LTBP2: variants seen among roughly 807,000 people sequenced by gnomAD.
LTBP2 encodes the protein latent transforming growth factor beta binding protein 2.
LTBP2 carries 103 observed loss-of-function variants against 210.6 expected under a neutral mutation model. That is an observed-to-expected ratio of 0.49 (90% CI 0.42 to 0.58). The LOEUF (loss-of-function observed/expected upper bound fraction) is 0.58, where lower values mean the gene tolerates loss of function less well. Among genes scored for constraint, LTBP2 ranks in the 20% least tolerant of loss-of-function variants. The probability of loss-of-function intolerance (pLI) is 0.00; values close to 1 mark genes in which losing one functional copy is unlikely to be tolerated. For synonymous variants in LTBP2, 1,007 were observed against 1,015.0 expected, an observed-to-expected ratio of 0.99 and a Z score of 0.15; for missense variants, 2,313 against 2,494.5, an observed-to-expected ratio of 0.93 and a Z score of 1.55.
intron 6 of LTBP2, 24 bp from the exon 7 acceptor site, chr14:74,551,374 A>C (rs1169484223): frequency 6.5e-7 from 1 of 1,533,288 alleles, no homozygotes. Context: ...CTAGAGTCAG[A>C]GCCAGGGAAG....
chr14:74,521,865 T>A, intron 17 of LTBP2, 46 bp downstream of exon 17: 1 of 1,612,170 alleles, frequency 6.2e-7, no homozygotes, highest in Non-Finnish European at 8.5e-7. Flanking sequence ...TTCCACCCCC[T>A]CAAGACTGTG....
intron 2 of LTBP2, among the ~76,000 whole-genome samples, chr14:74,588,341 C>A (rs1012953813): frequency 2.6e-5 from 4 of 152,142 alleles, no homozygotes; most frequent in Non-Finnish European, 5.9e-5. Flanking sequence ...CCTGCCTCAG[C>A]CTCCCGAGTA....
Position 74,522,740 on chromosome 14 carries a change from C to T in LTBP2, c.2659+50G>A, listed in dbSNP as rs371228828. 15 of 1,577,684 alleles carry T rather than the reference C, an allele frequency of 9.5e-6. No individual in the cohort carries two copies. The Admixed American group carries it at 1.4e-4, about 15-fold the overall frequency. On this transcript the variant is annotated intron_variant, in intron 16 of 35. Transcript: ENST00000261978. ...TCTCAACTCGGCCTCTTAGCCCCTG[C>T]TCCCATCTACCCCAGCCGCCAAGTA... is the stretch of plus-strand genomic sequence containing the variant.
chr14:74,555,516 G>C lies in LTBP2; in HGVS notation c.1008C>G (p.Pro336=), dbSNP rs899315981. Residue 336 remains proline (P), a synonymous_variant, in exon 4 of 36, where the codon CCC becomes CCG. Transcript: ENST00000261978. ...GGGTATCCTTACCCCAGGGGGATGA[G>C]GGGTGCTCCAGAGGTACCGCCTGTT... ...GTQQAVPLEH[P]SSPWGLNLTE... is the part of the protein sequence containing the mutation. 1.9e-6 allele frequency: 3 copies of C among 1,613,706 alleles called. No homozygotes were observed. Among genetic ancestry groups the C allele is most frequent in the South Asian group, 1.1e-5 (1 of 91,026 alleles).
At chr14:74,523,257 C>A (rs979928440) in intron 15 of LTBP2, among the ~76,000 whole-genome samples, 1 of 152,156 alleles carries the variant, frequency 6.6e-6, no homozygotes, top group African/African-American at 2.4e-5. Flanking sequence ...GTGCCCAGCG[C>A]CATCCCTCCC....
chr14:74,527,549 C>T (rs111609012), intron 12 of LTBP2, among the ~76,000 whole-genome samples, 183 bp from the exon 13 acceptor site: 4 of 152,224 alleles, frequency 2.6e-5, no homozygotes, highest in Admixed American at 6.5e-5. Context: ...GGACTGGCCA[C>T]CACAAAATTC....
chr14:74,530,938 TGA>T (rs1308708470), intron 10 of LTBP2, among the ~76,000 whole-genome samples: 3 of 152,198 alleles, frequency 2.0e-5, no homozygotes, highest in Admixed American at 6.5e-5. Flanking sequence ...GTGAGGTGTG[TGA>T]GAGTGGCTTG....
intron 2 of LTBP2, among the ~76,000 whole-genome samples, chr14:74,590,547 G>A (rs149113121): frequency 7.9e-5 from 12 of 152,232 alleles, no homozygotes; most frequent in African/African-American, 2.4e-4. Flanking sequence ...AGCCGAGATC[G>A]TGCTACTGCA....
At chr14:74,603,087 A>G (rs1468246089) in intron 2 of LTBP2, among the ~76,000 whole-genome samples, 3 of 152,208 alleles carry the variant, frequency 2.0e-5, no homozygotes, top group African/African-American at 4.8e-5. Context: ...CTTTGAAAAC[A>G]CAAGCAGTGA....
chr14:74,535,706 C>T (rs777148350), intron 9 of LTBP2, among the ~76,000 whole-genome samples: 16 of 152,096 alleles, frequency 1.1e-4, no homozygotes, highest in Admixed American at 2.6e-4. Context: ...GAGATGGGGA[C>T]GAGGGGAGGT....
intron 18 of LTBP2, among the ~76,000 whole-genome samples, chr14:74,515,252 ATTTTT>A (rs575476350): frequency 0.028 from 3,542 of 125,440 alleles, 68 homozygotes; most frequent in African/African-American, 0.049. Context: ...TATAAATCTG[ATTTTT>A]TTTTTTTTTT....
Position 74,527,338 on chromosome 14 carries a change from C to T in LTBP2, c.2388+9G>A, listed in dbSNP as rs777854196. 2.7e-5 allele frequency: 44 copies of T among 1,611,068 alleles called. No homozygotes were observed. The highest frequency in any genetic ancestry group is 2.0e-4 in the South Asian group (18 of 90,308). On this transcript the variant is annotated intron_variant, in intron 13 of 35. Coordinates refer to ENST00000261978, the MANE Select transcript of LTBP2 (RefSeq NM_000428.3). ...CTTGCCCGGCCCCCTAGTGGGAGGA[C>T]GCACTCACCTGGCCAGCCTGAGAGT...
chr14:74,600,682 A>C (rs1393113305), intron 2 of LTBP2, among the ~76,000 whole-genome samples: 1 of 152,108 alleles, frequency 6.6e-6, no homozygotes, highest in Non-Finnish European at 1.5e-5. Flanking sequence ...GCTTCAGCTC[A>C]AACCTCAGCA....
chr14:74,501,267 G>T (rs986843580), intron 35 of LTBP2, among the ~76,000 whole-genome samples, 174 bp downstream of exon 35: 1 of 152,198 alleles, frequency 6.6e-6, no homozygotes, highest in Non-Finnish European at 1.5e-5. Context: ...GAACCTGCAC[G>T]GAAGGGGCTT....
At chr14:74,604,837 G>A (rs751633217) in intron 1 of LTBP2, among the ~76,000 whole-genome samples, 1 of 152,102 alleles carries the variant, frequency 6.6e-6, no homozygotes, top group East Asian at 1.9e-4. Context: ...CCCATGAGAC[G>A]CTGACCTACA....
chr14:74,520,459 T>G (rs560665851), intron 17 of LTBP2, among the ~76,000 whole-genome samples: 1 of 152,292 alleles, frequency 6.6e-6, no homozygotes, highest in East Asian at 1.9e-4. Context: ...GAGCTTCATA[T>G]AACAAAATGC....
Position 74,506,799 on chromosome 14 carries a change from G to C in LTBP2, c.3932C>G (p.Thr1311Ser), listed in dbSNP as rs1423824699. 1 of 1,613,982 alleles carries C rather than the reference G, an allele frequency of 6.2e-7. No homozygotes were observed. The highest frequency in any genetic ancestry group is 1.3e-5 in the African/African-American group (1 of 74,952). ...CIDIDECAND[T>S]MCGSHGFCDN... ...ACAGAAGCCGTGGCTGCCACACATG[G>C]TGTCGTTGGCGCACTCGTCTATGTC... The change falls in exon 27 of 36, where the codon ACC (threonine) becomes AGC (serine). Residue 1311 changes from threonine (T) to serine (S), a missense_variant. Transcript: ENST00000261978.
At chr14:74,563,318 C>T (rs141865515) in intron 3 of LTBP2, among the ~76,000 whole-genome samples, 1 of 152,242 alleles carries the variant, frequency 6.6e-6, no homozygotes, top group African/African-American at 2.4e-5. Context: ...CTAAGACACT[C>T]GTAAATGTCC....
intron 3 of LTBP2, among the ~76,000 whole-genome samples, chr14:74,578,632 G>A (rs930000761): frequency 6.6e-6 from 1 of 152,038 alleles, no homozygotes. Context: ...AGTGCCACAC[G>A]GCCTCCTTCC....
Sources: gnomAD v4.1 joint callset for allele counts (sites outside exome capture counted in the v4.1 genomes callset) on GRCh38, gnomAD v4.1.1 for gene constraint, MANE v1.5 for transcripts, NCBI Gene and HGNC (gene_info 2026-07-23, HGNC 2026-07-21) for gene names.